PLCH1: variants seen among roughly 807,000 people sequenced by gnomAD.
The protein encoded by PLCH1 is phospholipase C eta 1.
A neutral mutation model predicts 126.7 loss-of-function variants in PLCH1; 60 were observed. That is an observed-to-expected ratio of 0.47 (90% CI 0.38 to 0.59). The LOEUF (loss-of-function observed/expected upper bound fraction) is 0.59, where lower values mean the gene tolerates loss of function less well. Among genes scored for constraint, PLCH1 ranks in the 20% least tolerant of loss-of-function variants. The pLI, the probability that PLCH1 is intolerant of heterozygous loss-of-function variation, is 0.00. For missense variants in PLCH1, 1,723 were observed against 2,040.0 expected, an observed-to-expected ratio of 0.84 and a Z score of 2.99; for synonymous variants, 719 against 734.9, an observed-to-expected ratio of 0.98 and a Z score of 0.35.
At chr3:155,473,872 T>C (rs1167526844) in intron 21 of PLCH1, among the ~76,000 whole-genome samples, 1 of 151,784 alleles carries the variant, frequency 6.6e-6, no homozygotes, top group Non-Finnish European at 1.5e-5. Context: ...TGGCTAGCCA[T>C]ATGTAGAAAG....
At chr3:155,619,475 T>C (rs1284619606) in intron 2 of PLCH1, among the ~76,000 whole-genome samples, 1 of 141,214 alleles carries the variant, frequency 7.1e-6, no homozygotes, top group East Asian at 2.1e-4. Context: ...GCTGATTCTT[T>C]TTCAAAACAA....
intron 4 of PLCH1, 85 bp from the exon 5 acceptor site, chr3:155,586,279 A>G (rs1235642864): frequency 2.2e-6 from 3 of 1,373,106 alleles, no homozygotes; most frequent in African/African-American, 2.9e-5. Context: ...GACATTTATC[A>G]GTAACACAGA....
chr3:155,696,543 A>G (rs1290298907), intron 2 of PLCH1, among the ~76,000 whole-genome samples: 2 of 152,200 alleles, frequency 1.3e-5, no homozygotes, highest in Non-Finnish European at 2.9e-5. Context: ...AATTGGGAAA[A>G]TGAGAGAGCA....
intron 2 of PLCH1, among the ~76,000 whole-genome samples, chr3:155,645,857 C>T (rs1227046423): frequency 6.6e-6 from 1 of 152,148 alleles, no homozygotes; most frequent in Admixed American, 6.5e-5. Flanking sequence ...GGGATAAGGG[C>T]AAAATGCAGG....
chr3:155,493,574 C>A (rs111266079), intron 17 of PLCH1, among the ~76,000 whole-genome samples: 1 of 152,048 alleles, frequency 6.6e-6, no homozygotes, highest in Non-Finnish European at 1.5e-5. Flanking sequence ...TCAGTAGAGA[C>A]GGCGTTTTAC....
chr3:155,697,881 G>A (rs548556122), intron 2 of PLCH1, among the ~76,000 whole-genome samples: 5 of 152,272 alleles, frequency 3.3e-5, no homozygotes, highest in East Asian at 3.9e-4. Context: ...TCACCTCACC[G>A]CTGCTGACAT....
chr3:155,460,003 G>A (rs1381215569), intron 21 of PLCH1, among the ~76,000 whole-genome samples: 9 of 152,208 alleles, frequency 5.9e-5, no homozygotes, highest in Admixed American at 4.6e-4. Flanking sequence ...GAAATTCTGG[G>A]GATGTGGCCC....
At chr3:155,566,167 A>G (rs1321636121) in intron 7 of PLCH1, among the ~76,000 whole-genome samples, 6,734 of 88,856 alleles carry the variant, frequency 0.076, 1,618 homozygotes, top group Non-Finnish European at 0.12. Context: ...ACACATACAT[A>G]TATACACATA....
At chr3:155,624,778 G>C (rs919656689) in intron 2 of PLCH1, among the ~76,000 whole-genome samples, 1 of 152,084 alleles carries the variant, frequency 6.6e-6, no homozygotes, top group Non-Finnish European at 1.5e-5. Flanking sequence ...CCATGCTCAC[G>C]GATAGGAAGA....
intron 6 of PLCH1, among the ~76,000 whole-genome samples, chr3:155,579,139 G>T (rs1038690591): frequency 6.6e-6 from 1 of 152,174 alleles, no homozygotes; most frequent in African/African-American, 2.4e-5. Flanking sequence ...TCTCCTCTGT[G>T]TTATTAAAAA....
In PLCH1 at chr3:155,549,823, T is replaced by C. The variant is rs771942169; in HGVS notation, c.1326A>G (p.Pro442=). The C allele has an allele frequency of 2.3e-5, 37 of 1,613,678 alleles. No homozygotes were observed. The highest frequency in any genetic ancestry group is 3.1e-5 in the Non-Finnish European group (37 of 1,179,886). Residue 442 remains proline (P), a synonymous_variant, in exon 10 of 23, where the codon CCA becomes CCG. Transcript: ENST00000460012. ...SVDTGECKQL[P]SPQSLKGKIL... ...TTTTGCCTTTCAAACTTTGAGGGCT[T>C]GGAAGCTGCTTGCACTCCCCTGTAT...
At chr3:155,587,182 A>C (rs749702350) in intron 4 of PLCH1, among the ~76,000 whole-genome samples, 1 of 152,216 alleles carries the variant, frequency 6.6e-6, no homozygotes, top group Non-Finnish European at 1.5e-5. Flanking sequence ...CCAGTATTAC[A>C]TCTCTCTGAC....
chr3:155,671,204 C>T (rs1743404484), intron 2 of PLCH1, among the ~76,000 whole-genome samples: 1 of 152,224 alleles, frequency 6.6e-6, no homozygotes, highest in Non-Finnish European at 1.5e-5. Context: ...TCTCTCTCTG[C>T]ACCTCAGATT....
At chr3:155,468,252 G>T (rs978228854) in intron 21 of PLCH1, among the ~76,000 whole-genome samples, 4 of 151,992 alleles carry the variant, frequency 2.6e-5, no homozygotes, top group African/African-American at 9.6e-5. Context: ...GACATACGAA[G>T]AATACACAAA....
At chr3:155,565,794 C>A (rs1329561251) in intron 7 of PLCH1, among the ~76,000 whole-genome samples, 3 of 151,214 alleles carry the variant, frequency 2.0e-5, no homozygotes, top group Admixed American at 1.3e-4. Context: ...CTCCCAGGTT[C>A]AAGAGATTCT....
intron 10 of PLCH1, among the ~76,000 whole-genome samples, chr3:155,539,456 A>G (rs566072311): frequency 2.0e-5 from 3 of 152,174 alleles, no homozygotes; most frequent in Non-Finnish European, 4.4e-5. Context: ...GTAAAGAGGA[A>G]GTCAAATTGT....
At chr3:155,658,049 CA>C in intron 2 of PLCH1, 1 of 211,280 alleles carries the variant, frequency 4.7e-6, no homozygotes, top group Non-Finnish European at 1.0e-5. Context: ...GCAACTGTTA[CA>C]AAACCGGTTG....
chr3:155,568,683 G>A (rs1470287754), intron 6 of PLCH1, among the ~76,000 whole-genome samples: 1 of 151,902 alleles, frequency 6.6e-6, no homozygotes, highest in East Asian at 1.9e-4. Flanking sequence ...ACTAAAGTTT[G>A]CTGATCATAA....
At chr3:155,673,753 G>A (rs779274291) in intron 2 of PLCH1, among the ~76,000 whole-genome samples, 3 of 152,056 alleles carry the variant, frequency 2.0e-5, no homozygotes, top group African/African-American at 4.8e-5. Context: ...TCGCTCTTAC[G>A]TTGACATCTA....
Sources: allele counts gnomAD v4.1 joint callset (sites outside exome capture counted in the v4.1 genomes callset), GRCh38; gene constraint gnomAD v4.1.1; transcripts MANE v1.5; gene names NCBI Gene and HGNC (gene_info 2026-07-23, HGNC 2026-07-21).